Variants in DIP2C observed in about 807,000 individuals in gnomAD.
DIP2C encodes the protein DIP2 acetate--CoA ligase C (putative).
In DIP2C, 33 loss-of-function variants were observed where a neutral mutation model predicts 192.4. The observed-to-expected ratio is 0.17, with a 90% CI of 0.13 to 0.23. The LOEUF (loss-of-function observed/expected upper bound fraction) is 0.23, where lower values mean the gene tolerates loss of function less well. DIP2C is among the 10% of genes least tolerant of loss of function. DIP2C has a pLI of 1.00. For synonymous variants in DIP2C, 979 were observed against 864.1 expected (o/e 1.13, Z -2.33); for missense variants, 1,537 against 2,110.1 (o/e 0.73, Z 5.32).
rs564855118 is a variant in DIP2C at position 523,819 on chromosome 10, C to T, written c.86-37289G>A. Among the ~76,000 whole-genome samples, 6 of 152,336 alleles carry T rather than the reference C, an allele frequency of 3.9e-5. No homozygotes were observed. The East Asian group carries it at 9.6e-4, about 24-fold the overall frequency. Reference sequence around the variant, plus strand: ...CTGGAGCGAGGATGCAGGGACTGCTCTGAGTTACCAGCACACTTGTCGCTT... The same window carrying T: ...CTGGAGCGAGGATGCAGGGACTGCTTTGAGTTACCAGCACACTTGTCGCTT... On this transcript the variant is annotated intron_variant, in intron 1 of 36. Coordinates refer to ENST00000280886, the MANE Select transcript of DIP2C (RefSeq NM_014974.3).
intron 2 of DIP2C, chr10:484,645 C>G (rs1336784552): frequency 1.3e-5 from 17 of 1,269,144 alleles, no homozygotes; most frequent in Non-Finnish European, 1.8e-5. Context: ...GTGGAGCGAC[C>G]TGGCTCACTG....
chr10:557,793 AGGGGCAGGCAGGCAGGCAGGGGGAG>A (rs1486124883), intron 1 of DIP2C, among the ~76,000 whole-genome samples: 1 of 64,286 alleles, frequency 1.6e-5, no homozygotes, highest in Non-Finnish European at 3.0e-5. Context: ...GGGCGGGGGC[AGGGGCAGGCAGGCAGGCAGGGGGAG>A]GGGGCAGGAA....
intron 36 of DIP2C, among the ~76,000 whole-genome samples, chr10:279,558 G>A (rs1329985823): frequency 6.6e-6 from 1 of 152,236 alleles, no homozygotes; most frequent in Non-Finnish European, 1.5e-5. Flanking sequence ...TGTTTGGCTT[G>A]AATTTGGCAA....
Position 356,435 on chromosome 10 carries a change from G to A in DIP2C, c.2976C>T (p.Leu992=). The A allele has an allele frequency of 6.2e-7, 1 of 1,611,582 alleles. No homozygotes were observed. The highest frequency in any genetic ancestry group is 8.5e-7 in the Non-Finnish European group (1 of 1,179,996). Residue 992 remains leucine (L), a synonymous_variant, in exon 24 of 37, where the codon CTC becomes CTT. Coordinates refer to ENST00000280886, the MANE Select transcript of DIP2C (RefSeq NM_014974.3). The stretch of plus-strand genomic sequence containing the variant: ...CAGCTCCGCGCCTCACCCGACAGTT[G>A]AGCAGCGTGTAGAGGATGTGGTCCG... ...TTPDHILYTL[L]NCRGAIANSL... is the part of the protein sequence containing the mutation.
At chr10:677,548 G>C (rs1173421517) in intron 1 of DIP2C, among the ~76,000 whole-genome samples, 1 of 152,178 alleles carries the variant, frequency 6.6e-6, no homozygotes, top group African/African-American at 2.4e-5. Context: ...GCTTGAAACG[G>C]ACACTCCACC....
At chr10:359,972 G>A (rs149127027) in intron 22 of DIP2C, among the ~76,000 whole-genome samples, 86 of 152,274 alleles carry the variant, frequency 5.6e-4, no homozygotes, top group African/African-American at 1.9e-3. Context: ...AAGACGAGAC[G>A]GCTCTTCTAA....
intron 1 of DIP2C, among the ~76,000 whole-genome samples, chr10:565,373 A>C (rs1849409045): frequency 2.0e-5 from 3 of 147,948 alleles, no homozygotes; most frequent in Non-Finnish European, 4.5e-5. Context: ...AAAAAAAAAG[A>C]CCTAGACAAA....
chr10:499,315 C>T lies in DIP2C; in HGVS notation c.86-12785G>A, dbSNP rs113889057. On this transcript the variant is annotated intron_variant, in intron 1 of 36. Transcript: ENST00000280886. ...CACTGTCACCTTCTCCCTGTGTGGA[C>T]GGCTGGGCTCCCCCTCTGTGGACCG... is the stretch of plus-strand genomic sequence containing the variant. Among the ~76,000 whole-genome samples the T allele has an allele frequency of 1.0e-3, 151 of 147,902 alleles. 3 individuals are homozygous for T. The highest frequency in any genetic ancestry group is 3.7e-3 in the African/African-American group (147 of 39,882).
At chr10:500,744 TAAAC>T (rs1845167061) in intron 1 of DIP2C, among the ~76,000 whole-genome samples, 1 of 152,202 alleles carries the variant, frequency 6.6e-6, no homozygotes, top group East Asian at 1.9e-4. Flanking sequence ...ATGATTTTCT[TAAAC>T]AAATCACCTC....
rs1214605412 is a variant in DIP2C, at chr10:276,373, G to T, written c.*952C>A. On this transcript the variant is annotated 3_prime_UTR_variant, in exon 37 of 37. Transcript: ENST00000280886. ...CTGCTGGCAACAGCAGAGTGTATGT[G>T]AGTACGGGGGGCACACCATGCAAGT... 6.6e-6 allele frequency: 1 copy of T among 152,664 alleles called. No homozygotes were observed. The highest frequency in any genetic ancestry group is 2.4e-5 in the African/African-American group (1 of 41,466). 9.5% of individuals were successfully genotyped at this position (152,664 alleles called of 1,614,324 possible). A position where few individuals can be genotyped will look rare whatever the true frequency, so the allele number is the denominator to read the frequency against.
chr10:362,443 CCA>C, intron 22 of DIP2C, 45 bp downstream of exon 22: 1 of 1,596,036 alleles, frequency 6.3e-7, no homozygotes, highest in Non-Finnish European at 8.5e-7. Context: ...CCGTGCAGCC[CCA>C]AGGGAACTCC....
chr10:483,461 G>C (rs1843760848), intron 2 of DIP2C, among the ~76,000 whole-genome samples: 1 of 152,240 alleles, frequency 6.6e-6, no homozygotes, highest in African/African-American at 2.4e-5. Context: ...TCCAAATGAA[G>C]GTCGGCAGGG....
chr10:591,867 G>C (rs1178217197), intron 1 of DIP2C, among the ~76,000 whole-genome samples: 1 of 152,220 alleles, frequency 6.6e-6, no homozygotes, highest in Non-Finnish European at 1.5e-5. Context: ...GGCAGCCAGA[G>C]GGGAAGACAG....
chr10:588,872 G>A (rs1007170182), intron 1 of DIP2C, among the ~76,000 whole-genome samples: 1 of 152,198 alleles, frequency 6.6e-6, no homozygotes, highest in Admixed American at 6.5e-5. Context: ...TAAATACCCA[G>A]GAGTGGGGTC....
At chr10:685,267 T>C (rs1012299463) in intron 1 of DIP2C, among the ~76,000 whole-genome samples, 5 of 148,554 alleles carry the variant, frequency 3.4e-5, no homozygotes, top group Non-Finnish European at 7.4e-5. Flanking sequence ...GCGCGAGCCT[T>C]CACCTCCCTC....
At chr10:619,443 T>C (rs1047380446) in intron 1 of DIP2C, among the ~76,000 whole-genome samples, 1 of 149,714 alleles carries the variant, frequency 6.7e-6, no homozygotes, top group East Asian at 2.0e-4. Flanking sequence ...CCCACCATCT[T>C]CAGAGCCCAC....
intron 1 of DIP2C, among the ~76,000 whole-genome samples, chr10:570,957 G>A (rs1321925755): frequency 6.6e-6 from 1 of 152,090 alleles, no homozygotes; most frequent in East Asian, 1.9e-4. Context: ...TTCTTCCAGC[G>A]CACGACTCCC....
chr10:314,907 A>C (rs961608284), intron 31 of DIP2C, among the ~76,000 whole-genome samples: 7 of 152,206 alleles, frequency 4.6e-5, no homozygotes, highest in African/African-American at 1.7e-4. Context: ...GGGGACACAG[A>C]CATTCTGACC....
At chr10:566,185 C>T (rs1588473739) in intron 1 of DIP2C, among the ~76,000 whole-genome samples, 1 of 152,154 alleles carries the variant, frequency 6.6e-6, no homozygotes, top group South Asian at 2.1e-4. Flanking sequence ...AATTTTTTGC[C>T]CCTTTTTAAA....
Sources: gnomAD v4.1 joint callset for allele counts (sites outside exome capture counted in the v4.1 genomes callset) on GRCh38, gnomAD v4.1.1 for gene constraint, MANE v1.5 for transcripts, NCBI Gene and HGNC (gene_info 2026-07-23, HGNC 2026-07-21) for gene names.